Variants in AASS observed in about 807,000 individuals in gnomAD.
AASS encodes alpha-aminoadipic semialdehyde synthase, mitochondrial.
Under a neutral mutation model 105.4 loss-of-function variants are expected in AASS, and 86 were observed. That is an observed-to-expected ratio of 0.82 (90% CI 0.69 to 0.98). The LOEUF (loss-of-function observed/expected upper bound fraction) is 0.98, where lower values mean the gene tolerates loss of function less well. AASS is among the 50% of genes least tolerant of loss of function. The pLI is 0.00. For synonymous variants in AASS, 381 were observed against 394.8 expected (o/e 0.96, Z 0.41); for missense variants, 1,048 against 1,143.2 (o/e 0.92, Z 1.20).
intron 19 of AASS, chr7:122,082,931 A>T: frequency 8.6e-7 from 1 of 1,166,090 alleles, no homozygotes; most frequent in Non-Finnish European, 1.1e-6. Flanking sequence ...GATTCTGAAT[A>T]ATAGATGAAG....
chr7:122,129,196 T>C (rs2150549974), intron 3 of AASS, among the ~76,000 whole-genome samples, 165 bp downstream of exon 3: 1 of 152,294 alleles, frequency 6.6e-6, no homozygotes, highest in Admixed American at 6.5e-5. Context: ...TGGTAAATTG[T>C]TTAGGGTAAG....
chr7:122,113,800 C>A lies in AASS; in HGVS notation c.1044-80G>T, dbSNP rs569351634. On this transcript the variant is annotated intron_variant, in intron 9 of 23. Transcript: ENST00000417368. ...AGACTAAAAAAAAAGGAGTTTGGAA[C>A]AATTTTCAATGTGGATCCCAAATAT... is the stretch of plus-strand genomic sequence containing the variant. The A allele has an allele frequency of 4.6e-6, 7 of 1,508,768 alleles. No homozygotes were observed. The East Asian group carries it at 1.4e-4, about 30-fold the overall frequency. 93.5% of individuals were successfully genotyped at this position (1,508,768 alleles called of 1,614,324 possible).
At position 122,082,848 on chromosome 7, in the gene AASS, C is replaced by A. The variant is rs978179403; in HGVS notation, c.2185-1253G>T. 5.4e-6 allele frequency: 7 copies of A among 1,289,408 alleles called. No homozygotes were observed. In the African/African-American group the frequency reaches 1.1e-4, roughly 20 times the overall value. 79.9% of individuals were successfully genotyped at this position (1,289,408 alleles called of 1,614,324 possible). On this transcript the variant is annotated intron_variant, in intron 19 of 23. Coordinates refer to ENST00000417368, the MANE Select transcript of AASS (RefSeq NM_005763.4). Reference sequence around the variant, plus strand: ...AGGGAGGATACCATAGGAAGGTATTCAACATTATTCAACATTCCAATCCAT... The same window carrying A: ...AGGGAGGATACCATAGGAAGGTATTAAACATTATTCAACATTCCAATCCAT...
intron 21 of AASS, 67 bp downstream of exon 21, chr7:122,079,530 T>C: frequency 1.5e-6 from 2 of 1,357,772 alleles, no homozygotes; most frequent in Non-Finnish European, 1.1e-6. Flanking sequence ...ATTTAACTTT[T>C]TCTGAGTAGA....
rs146596013 is a variant in AASS at position 122,115,082 on chromosome 7, T to C, written c.1035A>G (p.Leu345=). The C allele has an allele frequency of 3.3e-5, 53 of 1,613,982 alleles. No homozygotes were observed. The highest frequency in any genetic ancestry group is 4.3e-5 in the Non-Finnish European group (51 of 1,180,012). Residue 345 remains leucine, a synonymous_variant, in exon 9 of 24, where the codon TTA becomes TTG. Transcript: ENST00000417368. The stretch of plus-strand genomic sequence containing the variant: ...TGAAGTAGAGTCCTTACTTGTGTGG[T>C]AATGCAGGGCAGCCTTCCACACCAG... ...SPAGVEGCPA[L]PHKLVAICDI... is the part of the protein sequence containing the mutation.
intron 21 of AASS, 39 bp downstream of exon 21, chr7:122,079,558 C>A (rs375264553): frequency 2.1e-6 from 3 of 1,407,252 alleles, no homozygotes; most frequent in Non-Finnish European, 3.0e-6. Flanking sequence ...AATCATTGAT[C>A]CAGTATATTT....
intron 3 of AASS, among the ~76,000 whole-genome samples, chr7:122,128,972 G>C (rs2150549706): frequency 6.6e-6 from 1 of 152,218 alleles, no homozygotes; most frequent in East Asian, 1.9e-4. Flanking sequence ...CAGCTCCTCA[G>C]GAGGCTGAGG....
At chr7:122,102,209 GACTGAGTAGACCTAGAAAGTCATTC>G (rs1244406854) in intron 11 of AASS, among the ~76,000 whole-genome samples, 1 of 151,874 alleles carries the variant, frequency 6.6e-6, no homozygotes, top group Non-Finnish European at 1.5e-5. Flanking sequence ...AAAGTGACTT[GACTGAGTAGACCTAGAAAGTCATTC>G]ACACCCTCTT....
chr7:122,074,573 C>T lies in AASS; in HGVS notation c.*1916G>A, dbSNP rs74985500. 0.018 allele frequency among the ~76,000 whole-genome samples: 2,715 copies of T among 152,152 alleles called. 87 individuals carry two copies. Among genetic ancestry groups the T allele is most frequent in the African/African-American group, 0.061 (2,547 of 41,516 alleles). On this transcript the variant is annotated 3_prime_UTR_variant, in exon 24 of 24. Transcript: ENST00000417368. ...CCTAATTCAAAGTCAGAAAGATTTA[C>T]GCCATGTTTTCTTTGAAGATACTTA... is the stretch of plus-strand genomic sequence containing the variant.
rs896621341 is a variant in AASS at position 122,085,533 on chromosome 7, A to G, written c.2184+479T>C. On this transcript the variant is annotated intron_variant, in intron 19 of 23. Coordinates refer to ENST00000417368, the MANE Select transcript of AASS (RefSeq NM_005763.4). ...TTGACTCCATCTCCAGTTCTAGGACATATAACATAGGCCAAAGTAGATGGG... is the reference window on the plus strand; with the variant it reads ...TTGACTCCATCTCCAGTTCTAGGACGTATAACATAGGCCAAAGTAGATGGG... Among the ~76,000 whole-genome samples the G allele has an allele frequency of 5.9e-4, 90 of 151,948 alleles. 3 individuals carry two copies. Among genetic ancestry groups the G allele is most frequent in the Admixed American group, 5.9e-3 (90 of 15,274 alleles).
At chr7:122,091,941 T>C in intron 17 of AASS, 98 bp from the exon 18 acceptor site, 4 of 895,808 alleles carry the variant, frequency 4.5e-6, no homozygotes, top group African/African-American at 1.7e-5. Context: ...GTAAACTTGC[T>C]ACAGTTTTTC....
chr7:122,105,088 T>C (rs1422292668), intron 11 of AASS, among the ~76,000 whole-genome samples: 3 of 152,066 alleles, frequency 2.0e-5, no homozygotes, highest in African/African-American at 4.8e-5. Context: ...ACAATACTTA[T>C]TCTAGATAGA....
intron 18 of AASS, among the ~76,000 whole-genome samples, chr7:122,089,575 A>T (rs1305117897): frequency 6.6e-6 from 1 of 152,164 alleles, no homozygotes; most frequent in Non-Finnish European, 1.5e-5. Context: ...ACAACCACTA[A>T]TTTCCTTATG....
intron 19 of AASS, 78 bp from the exon 20 acceptor site, chr7:122,081,673 G>C: frequency 1.0e-6 from 1 of 971,188 alleles, no homozygotes; most frequent in Non-Finnish European, 1.6e-6. Flanking sequence ...TGAAAAGAGG[G>C]ATATATCTTT....
intron 3 of AASS, among the ~76,000 whole-genome samples, chr7:122,129,044 C>T (rs913584337): frequency 6.6e-6 from 1 of 152,130 alleles, no homozygotes; most frequent in Admixed American, 6.5e-5. Context: ...TGCCACTGCA[C>T]TCCAGCCTGG....
intron 18 of AASS, among the ~76,000 whole-genome samples, chr7:122,087,672 A>G (rs1329448839): frequency 6.6e-6 from 1 of 152,188 alleles, no homozygotes; most frequent in Non-Finnish European, 1.5e-5. Context: ...GAATAGCCTG[A>G]GCGACACAGC....
chr7:122,095,884 A>G (rs938376100), intron 15 of AASS, among the ~76,000 whole-genome samples: 4 of 152,182 alleles, frequency 2.6e-5, no homozygotes, highest in Admixed American at 6.6e-5. Flanking sequence ...TTTAAATCAC[A>G]TTCTCCATAT....
chr7:122,085,646 G>A (rs1048081847), intron 19 of AASS, among the ~76,000 whole-genome samples: 11 of 151,998 alleles, frequency 7.2e-5, no homozygotes, highest in Non-Finnish European at 1.6e-4. Context: ...TATTCCCACT[G>A]AATTTGATCC....
intron 20 of AASS, among the ~76,000 whole-genome samples, chr7:122,080,795 A>G (rs1277035654): frequency 6.6e-6 from 1 of 152,232 alleles, no homozygotes; most frequent in African/African-American, 2.4e-5. Flanking sequence ...CTAGCTAGCA[A>G]GAATACCAAA....
Sources: gnomAD v4.1 joint callset for allele counts (sites outside exome capture counted in the v4.1 genomes callset) on GRCh38, gnomAD v4.1.1 for gene constraint, MANE v1.5 for transcripts, NCBI Gene and HGNC (gene_info 2026-07-23, HGNC 2026-07-21) for gene names.